Variants in ERICH3 observed in about 807,000 individuals in gnomAD.
ERICH3 encodes the protein glutamate-rich protein 3.
ERICH3 carries 126 observed loss-of-function variants against 131.1 expected under a neutral mutation model. That is an observed-to-expected ratio of 0.96 (90% CI 0.83 to 1.11). The LOEUF is 1.11. ERICH3 is among the 50% of genes most tolerant of loss of function. The pLI is 0.00. For missense variants in ERICH3, 2,050 were observed against 1,810.7 expected (o/e 1.13, Z -2.40); for synonymous variants, 695 against 644.6 (o/e 1.08, Z -1.18).
intron 1 of ERICH3, among the ~76,000 whole-genome samples, chr1:74,653,411 G>C (rs1646555478): frequency 6.6e-6 from 1 of 151,580 alleles, no homozygotes; most frequent in Non-Finnish European, 1.5e-5. Context: ...ATGTGAGAGA[G>C]AGAGAGAACG....
At chr1:74,648,079 T>C (rs952996789) in intron 2 of ERICH3, among the ~76,000 whole-genome samples, 8 of 152,104 alleles carry the variant, frequency 5.3e-5, no homozygotes, top group Admixed American at 2.6e-4. Context: ...GCATTTTCTG[T>C]AGGGTTTCTG....
chr1:74,600,072 A>G, intron 10 of ERICH3, 141 bp from the exon 11 acceptor site: 1 of 597,696 alleles, frequency 1.7e-6, no homozygotes, highest in South Asian at 2.5e-5. Flanking sequence ...TCAATTAGTG[A>G]ACATGGAAAA....
At chr1:74,589,554 C>T in intron 12 of ERICH3, 77 bp downstream of exon 12, 6 of 1,374,986 alleles carry the variant, frequency 4.4e-6, no homozygotes, top group Non-Finnish European at 5.1e-6. Flanking sequence ...ATTTCCCAAG[C>T]TTTGGCATAG....
intron 1 of ERICH3, among the ~76,000 whole-genome samples, chr1:74,659,564 A>G (rs903314821): frequency 3.9e-5 from 6 of 152,216 alleles, no homozygotes; most frequent in African/African-American, 1.2e-4. Flanking sequence ...AAAGCTACAC[A>G]GCTGCATAAG....
intron 12 of ERICH3, among the ~76,000 whole-genome samples, chr1:74,580,308 TAA>T (rs149853285): frequency 0.016 from 2,497 of 152,266 alleles, 77 homozygotes; most frequent in African/African-American, 0.057. Context: ...AACATTATAA[TAA>T]AGTCTTACTA....
At chr1:74,636,251 A>G (rs771127236) in intron 6 of ERICH3, 29 bp downstream of exon 6, 2 of 1,530,488 alleles carry the variant, frequency 1.3e-6, no homozygotes, top group Admixed American at 2.0e-5. Flanking sequence ...AAAAATTAAA[A>G]TATATTTATT....
intron 13 of ERICH3, among the ~76,000 whole-genome samples, chr1:74,576,238 T>C (rs1016507325): frequency 6.6e-6 from 1 of 152,236 alleles, no homozygotes; most frequent in Admixed American, 6.5e-5. Context: ...GCCCTAATAA[T>C]CTTCCTTGTG....
chr1:74,644,391 T>C (rs1469494624), intron 3 of ERICH3, among the ~76,000 whole-genome samples: 1 of 152,148 alleles, frequency 6.6e-6, no homozygotes, highest in African/African-American at 2.4e-5. Flanking sequence ...CCAATGTTTT[T>C]GTCTTCTGGG....
At chr1:74,589,323 A>G in intron 12 of ERICH3, 1 of 487,636 alleles carries the variant, frequency 2.1e-6, no homozygotes, top group Non-Finnish European at 3.6e-6. Context: ...AGCCACACAC[A>G]TCCTTGCCTT....
chr1:74,606,591 T>C lies in ERICH3; in HGVS notation c.1489+10A>G, dbSNP rs1413624700. 1 of 1,583,464 alleles carries C rather than the reference T, an allele frequency of 6.3e-7. No homozygotes were observed. The highest frequency in any genetic ancestry group is 8.6e-7 in the Non-Finnish European group (1 of 1,165,422). On this transcript the variant is annotated intron_variant, in intron 10 of 14. Coordinates refer to ENST00000326665, the MANE Select transcript of ERICH3 (RefSeq NM_001002912.5). ...CAGCTACAACAAAAGAAACTTGTGT[T>C]GTTGATTACCATATTTTAAAGTATT...
chr1:74,572,299 C>A lies in ERICH3; in HGVS notation c.3411G>T (p.Leu1137Phe). The A allele has an allele frequency of 3.1e-6, 5 of 1,614,080 alleles. No homozygotes were observed. Among genetic ancestry groups the A allele is most frequent in the Non-Finnish European group, 3.4e-6 (4 of 1,180,022 alleles). The change falls in exon 14 of 15, where the codon TTG (leucine) becomes TTT (phenylalanine). Residue 1137 changes from leucine to phenylalanine, a missense_variant. Transcript: ENST00000326665. ...CTCCTAGAAGCCCTGGATTGTCAGA[C>A]AACTCAGAAGCCTCCACAGGTGCTT... is the stretch of plus-strand genomic sequence containing the variant. ...ENEAPVEASE[L>F]SDNPGLLGED...
intron 5 of ERICH3, among the ~76,000 whole-genome samples, chr1:74,638,256 G>A (rs933341103): frequency 1.3e-5 from 2 of 152,106 alleles, no homozygotes; most frequent in Non-Finnish European, 2.9e-5. Flanking sequence ...AACATTTATT[G>A]AATTCCCACC....
chr1:74,648,228 G>T (rs778884827), intron 2 of ERICH3, among the ~76,000 whole-genome samples: 2 of 152,108 alleles, frequency 1.3e-5, no homozygotes, highest in Non-Finnish European at 2.9e-5. Context: ...TAAATACAAA[G>T]TCCTTCCCAT....
chr1:74,647,335 C>T (rs749165122), intron 2 of ERICH3, among the ~76,000 whole-genome samples: 19 of 152,090 alleles, frequency 1.2e-4, no homozygotes, highest in East Asian at 1.9e-4. Flanking sequence ...GGCAAACATG[C>T]GAGCTACAAA....
chr1:74,572,565 T>C lies in ERICH3; in HGVS notation c.3145A>G (p.Ile1049Val), dbSNP rs1222429698. The change falls in exon 14 of 15, where the codon ATT (isoleucine) becomes GTT (valine). Residue 1049 changes from isoleucine (I) to valine (V), a missense_variant. Transcript: ENST00000326665. ...GCTAAATCTAATTCCTTGGGTAAAA[T>C]TTCTTTCCTATCATCTTCCCTATTA... The part of the protein sequence containing the change: ...EANREDDRKE[I>V]LPKELDLARE... 6.2e-7 allele frequency: 1 copy of C among 1,614,030 alleles called. No individual in the cohort carries two copies. The highest frequency in any genetic ancestry group is 1.1e-5 in the South Asian group (1 of 91,080).
intron 13 of ERICH3, among the ~76,000 whole-genome samples, chr1:74,573,859 TTC>T (rs992599333): frequency 4.0e-5 from 6 of 151,596 alleles, no homozygotes; most frequent in Admixed American, 6.6e-5. Flanking sequence ...GGCTTCCTCT[TTC>T]TCTCTCTCTC....
chr1:74,666,782 A>AC (rs1646697085), intron 1 of ERICH3, among the ~76,000 whole-genome samples: 1 of 152,104 alleles, frequency 6.6e-6, no homozygotes, highest in Admixed American at 6.6e-5. Flanking sequence ...CCTGGTTAAA[A>AC]AAAAATCTAT....
chr1:74,571,919 ACTC>A lies in ERICH3; in HGVS notation c.3788_3790del (p.Gly1263del), dbSNP rs1212059941. On this transcript the variant is annotated inframe_deletion, in exon 14 of 15. Coordinates refer to ENST00000326665, the MANE Select transcript of ERICH3 (RefSeq NM_001002912.5). ...TTCCTGGGTCCTTAGCACGACATCC[ACTC>A]CTCCTTGCCCTTCAGCTCTCCCCTC... is the stretch of plus-strand genomic sequence containing the variant. 9.0e-5 allele frequency: 145 copies of A among 1,611,056 alleles called. 1 individual carries two copies. The highest frequency in any genetic ancestry group is 1.2e-4 in the Non-Finnish European group (137 of 1,179,562).
chr1:74,643,201 C>T, intron 3 of ERICH3, 103 bp from the exon 4 acceptor site: 1 of 753,096 alleles, frequency 1.3e-6, no homozygotes, highest in Non-Finnish European at 2.2e-6. Flanking sequence ...TCAATTAGTC[C>T]TCTTGTCATT....
Sources: gnomAD v4.1 joint callset for allele counts (sites outside exome capture counted in the v4.1 genomes callset) on GRCh38, gnomAD v4.1.1 for gene constraint, MANE v1.5 for transcripts, NCBI Gene and HGNC (gene_info 2026-07-23, HGNC 2026-07-21) for gene names.